The following SPIDR variants were observed in gnomAD, a reference collection of about 807,000 sequenced individuals.
The protein encoded by SPIDR is DNA repair-scaffolding protein.
Under a neutral mutation model 104.6 loss-of-function variants are expected in SPIDR, and 93 were observed. The observed-to-expected ratio is 0.89, with a 90% confidence interval of 0.75 to 1.06. The LOEUF (loss-of-function observed/expected upper bound fraction) is 1.06, where lower values mean the gene tolerates loss of function less well. Among genes scored for constraint, SPIDR ranks in the 50% least tolerant of loss-of-function variants. The probability of loss-of-function intolerance (pLI) is 0.00; values close to 1 mark genes in which losing one functional copy is unlikely to be tolerated. For missense variants in SPIDR, 1,154 were observed against 1,111.2 expected, an observed-to-expected ratio of 1.04 and a Z score of -0.55; for synonymous variants, 431 against 416.9, an observed-to-expected ratio of 1.03 and a Z score of -0.41.
At chr8:47,716,330 C>G (rs1016374185) in intron 16 of SPIDR, among the ~76,000 whole-genome samples, 3 of 152,138 alleles carry the variant, frequency 2.0e-5, no homozygotes, top group African/African-American at 7.2e-5. Context: ...TCACCCTTAC[C>G]TATAACTAGT....
intron 10 of SPIDR, among the ~76,000 whole-genome samples, chr8:47,672,334 T>A (rs2075904796): frequency 2.0e-5 from 3 of 152,194 alleles, no homozygotes; most frequent in Non-Finnish European, 4.4e-5. Context: ...AACTACATAT[T>A]ATTGCTTCCC....
At chr8:47,660,709 G>T (rs1205762520) in intron 10 of SPIDR, among the ~76,000 whole-genome samples, 1 of 152,148 alleles carries the variant, frequency 6.6e-6, no homozygotes, top group Non-Finnish European at 1.5e-5. Context: ...GAATGATGAG[G>T]TCACCGTCAT....
rs551903115 is a variant in SPIDR, at chr8:47,544,227, C to T, written c.1098-51584C>T. On this transcript the variant is annotated intron_variant, in intron 8 of 19. Transcript: ENST00000297423. ...GAAATATGTGTTCTTGTTTTTTGCT[C>T]ATTTTCTAATTGGATTGTTTGCTAT... 3.8e-4 allele frequency among the ~76,000 whole-genome samples: 58 copies of T among 152,006 alleles called. 1 individual carries two copies. Among genetic ancestry groups the T allele is most frequent in the African/African-American group, 1.4e-3 (58 of 41,482 alleles).
intron 5 of SPIDR, among the ~76,000 whole-genome samples, chr8:47,381,061 G>A (rs1554645207): frequency 6.6e-6 from 1 of 152,148 alleles, no homozygotes; most frequent in Non-Finnish European, 1.5e-5. Flanking sequence ...CACAACCAGT[G>A]AAGTTCTTAA....
intron 5 of SPIDR, among the ~76,000 whole-genome samples, chr8:47,323,672 G>C (rs1347282574): frequency 1.3e-5 from 2 of 152,094 alleles, no homozygotes; most frequent in Admixed American, 6.6e-5. Flanking sequence ...TTTGAAGATT[G>C]GTGAGTCATG....
chr8:47,564,323 C>T (rs1004070496), intron 8 of SPIDR, among the ~76,000 whole-genome samples: 3 of 151,914 alleles, frequency 2.0e-5, no homozygotes, highest in African/African-American at 4.8e-5. Context: ...GTGATCTGCC[C>T]GGCTCAGCCT....
At chr8:47,535,583 CAATT>C (rs1422655936) in intron 8 of SPIDR, among the ~76,000 whole-genome samples, 2 of 151,930 alleles carry the variant, frequency 1.3e-5, no homozygotes, top group South Asian at 2.1e-4. Context: ...ATTCAAAAAA[CAATT>C]AATGTAATCC....
intron 8 of SPIDR, among the ~76,000 whole-genome samples, chr8:47,488,541 C>T (rs1705365775): frequency 6.6e-6 from 1 of 152,076 alleles, no homozygotes; most frequent in South Asian, 2.1e-4. Flanking sequence ...CTGGCAGAGA[C>T]ACACAAAAAA....
At chr8:47,261,474 G>C (rs2032287008) in intron 1 of SPIDR, among the ~76,000 whole-genome samples, 1 of 152,250 alleles carries the variant, frequency 6.6e-6, no homozygotes, top group Non-Finnish European at 1.5e-5. Context: ...TCGGGTTCCA[G>C]AACGGGAGCG....
intron 8 of SPIDR, among the ~76,000 whole-genome samples, chr8:47,465,659 C>T (rs912757831): frequency 6.6e-6 from 1 of 152,084 alleles, no homozygotes; most frequent in Non-Finnish European, 1.5e-5. Context: ...TCACTTGAAC[C>T]TGGGAGATGG....
chr8:47,647,048 C>G (rs551208956), intron 10 of SPIDR, among the ~76,000 whole-genome samples: 2 of 152,088 alleles, frequency 1.3e-5, no homozygotes, highest in Non-Finnish European at 2.9e-5. Flanking sequence ...AAAATAGAAG[C>G]AACCTAAATG....
chr8:47,314,685 G>A (rs2044934836), intron 5 of SPIDR, among the ~76,000 whole-genome samples: 1 of 152,198 alleles, frequency 6.6e-6, no homozygotes, highest in African/African-American at 2.4e-5. Context: ...CACGACGTGT[G>A]AGGATTATGG....
chr8:47,368,744 A>C lies in SPIDR; in HGVS notation c.526-27632A>C, dbSNP rs74817117. 3.1e-3 allele frequency among the ~76,000 whole-genome samples: 479 copies of C among 152,350 alleles called. 2 individuals carry two copies. The highest frequency in any genetic ancestry group is 0.011 in the African/African-American group (463 of 41,584). ...CTATTGAGTGTAAAACATACATGCA[A>C]TATTCAGTTTCCTGTTTAGTGATGG... On this transcript the variant is annotated intron_variant, in intron 5 of 19. Transcript: ENST00000297423.
intron 10 of SPIDR, among the ~76,000 whole-genome samples, chr8:47,615,472 CT>C (rs11345219): frequency 0.33 from 36,534 of 109,466 alleles, 5,686 homozygotes; most frequent in African/African-American, 0.47. Flanking sequence ...CGAAAATAGC[CT>C]TTTTTTTTTT....
chr8:47,371,583 C>G (rs2058033826), intron 5 of SPIDR, among the ~76,000 whole-genome samples: 1 of 152,130 alleles, frequency 6.6e-6, no homozygotes, highest in Non-Finnish European at 1.5e-5. Context: ...AAGCTCCACT[C>G]TCATGACCTA....
chr8:47,546,382 A>G (rs1587528824), intron 8 of SPIDR, among the ~76,000 whole-genome samples: 1 of 152,084 alleles, frequency 6.6e-6, no homozygotes. Context: ...AACATGTCAA[A>G]TTTTGTGTGC....
At chr8:47,729,297 G>T in intron 18 of SPIDR, 115 bp from the exon 19 acceptor site, 1 of 1,470,526 alleles carries the variant, frequency 6.8e-7, no homozygotes, top group Non-Finnish European at 9.2e-7. Flanking sequence ...TGAGACTGAA[G>T]CTCTGAAGAC....
At chr8:47,374,857 G>A (rs2058462569) in intron 5 of SPIDR, among the ~76,000 whole-genome samples, 1 of 152,238 alleles carries the variant, frequency 6.6e-6, no homozygotes, top group Non-Finnish European at 1.5e-5. Flanking sequence ...GGAAGTTTGA[G>A]ACCAGCCTGG....
chr8:47,653,997 G>T, intron 10 of SPIDR: 1 of 1,273,500 alleles, frequency 7.9e-7, no homozygotes, highest in South Asian at 1.3e-5. Flanking sequence ...ATGAGTGGGA[G>T]TGGCAAGGAC....
Sources: gnomAD v4.1 joint callset for allele counts (sites outside exome capture counted in the v4.1 genomes callset) on GRCh38, gnomAD v4.1.1 for gene constraint, MANE v1.5 for transcripts, NCBI Gene and HGNC (gene_info 2026-07-23, HGNC 2026-07-21) for gene names.